The following ECE1 variants were observed in gnomAD, a reference collection of about 807,000 sequenced individuals.
ECE1 encodes endothelin converting enzyme 1, also known as endothelin-converting enzyme 1.
ECE1 carries 35 observed loss-of-function variants against 98.6 expected under a neutral mutation model. The observed-to-expected ratio is 0.35, with a 90% CI of 0.27 to 0.47. ECE1 has a LOEUF of 0.47. Ranked by LOEUF, ECE1 falls within the 20% of genes least tolerant of loss-of-function variation. The pLI is 1.00. For missense variants in ECE1, 814 were observed against 1,025.3 expected, an observed-to-expected ratio of 0.79 and a Z score of 2.81; for synonymous variants, 394 against 407.1, an observed-to-expected ratio of 0.97 and a Z score of 0.39.
chr1:21,302,404 T>G (rs1159500574), intron 1 of ECE1, among the ~76,000 whole-genome samples: 1 of 152,214 alleles, frequency 6.6e-6, no homozygotes, highest in African/African-American at 2.4e-5. Flanking sequence ...CTCGACTTTC[T>G]CATTGGTGAA....
rs1022914697 is a variant in ECE1, at chr1:21,238,061, T to C, written c.1389+73A>G. On this transcript the variant is annotated intron_variant, in intron 11 of 18. Transcript: ENST00000374893. ...AGGAAAGGCCCAGGGTGGGCTGGAGTGTGAACTGGCAGGTCTGTGCAGGCC... is the reference window on the plus strand; with the variant it reads ...AGGAAAGGCCCAGGGTGGGCTGGAGCGTGAACTGGCAGGTCTGTGCAGGCC... 4 of 1,398,172 alleles carry C rather than the reference T, an allele frequency of 2.9e-6. No individual in the cohort carries two copies. In the Admixed American group the frequency reaches 6.8e-5, roughly 24 times the overall value. The allele number at this position is 1,398,172 out of a possible 1,614,324, so 86.6% of individuals were successfully genotyped here. A position where few individuals can be genotyped will look rare whatever the true frequency, so the allele number is the denominator to read the frequency against.
intron 4 of ECE1, among the ~76,000 whole-genome samples, chr1:21,270,390 G>A (rs930929423): frequency 6.6e-6 from 1 of 152,250 alleles, no homozygotes; most frequent in Non-Finnish European, 1.5e-5. Context: ...GTTCTTGCAG[G>A]CACTGCGGAA....
chr1:21,254,068 CAAAAAAAAAAA>C (rs57691016), intron 8 of ECE1, among the ~76,000 whole-genome samples: 13 of 99,096 alleles, frequency 1.3e-4, no homozygotes, highest in African/African-American at 4.9e-4. Context: ...GACTTTGTCT[CAAAAAAAAAAA>C]AAAAAAAAAA....
rs1403052118 is a variant in ECE1 at position 21,258,668 on chromosome 1, C to T, written c.762+25G>A. 3 of 1,613,064 alleles carry T rather than the reference C, an allele frequency of 1.9e-6. No homozygotes were observed. Among genetic ancestry groups the T allele is most frequent in the Non-Finnish European group, 2.5e-6 (3 of 1,179,378 alleles). On this transcript the variant is annotated intron_variant, in intron 6 of 18. Coordinates refer to ENST00000374893, the MANE Select transcript of ECE1 (RefSeq NM_001397.3). This position sits in a 1 kb window ranked among gnomAD's most constrained non-coding sequence, Gnocchi z 4.2. ...GAAGAGGTCGTGCCCGCCCCCTCGA[C>T]CGCTGCAGGTTCAAGCTAGCTCACC...
intron 4 of ECE1, among the ~76,000 whole-genome samples, chr1:21,263,112 C>T (rs1022828564): frequency 1.3e-5 from 2 of 152,150 alleles, no homozygotes; most frequent in Non-Finnish European, 2.9e-5. Flanking sequence ...GTTTGAGCTT[C>T]GGGCTGAAGG....
At position 21,247,247 on chromosome 1, in the gene ECE1, G is replaced by A; in HGVS notation, c.1137C>T (p.Ser379=). ...ATCTGTCGGTGGTGTTGATGAGAGTGGAGATCTGCTCAAGGTATTCCTTGT... is the reference window on the plus strand; with the variant it reads ...ATCTGTCGGTGGTGTTGATGAGAGTAGAGATCTGCTCAAGGTATTCCTTGT... ...VYDKEYLEQI[S]TLINTTDRCL... is the part of the protein sequence containing the mutation. Residue 379 remains serine (S), a synonymous_variant, in exon 9 of 19, where the codon TCC becomes TCT. Coordinates refer to ENST00000374893, the MANE Select transcript of ECE1 (RefSeq NM_001397.3). 6.2e-7 allele frequency: 1 copy of A among 1,614,172 alleles called. No individual in the cohort carries two copies. Among genetic ancestry groups the A allele is most frequent in the Non-Finnish European group, 8.5e-7 (1 of 1,179,996 alleles).
At chr1:21,228,453 G>A (rs528941399) in intron 14 of ECE1, among the ~76,000 whole-genome samples, 5 of 152,192 alleles carry the variant, frequency 3.3e-5, no homozygotes, top group Admixed American at 6.5e-5. Context: ...ATCACACGGT[G>A]GAATACTGAG....
chr1:21,219,779 G>T lies in ECE1; in HGVS notation c.*176C>A. Reference sequence around the variant, plus strand: ...ATGTCCGGCTCTTCACAGGGGATCAGACTGCGGGTCACGTTGAGAGCCAAC... The same window carrying T: ...ATGTCCGGCTCTTCACAGGGGATCATACTGCGGGTCACGTTGAGAGCCAAC... On this transcript the variant is annotated 3_prime_UTR_variant, in exon 19 of 19. Transcript: ENST00000374893. This position sits in a 1 kb window ranked among gnomAD's most constrained non-coding sequence, Gnocchi z 4.5. 1 of 763,560 alleles carries T rather than the reference G, an allele frequency of 1.3e-6. No individual in the cohort carries two copies. The highest frequency in any genetic ancestry group is 2.2e-6 in the Non-Finnish European group (1 of 460,868). The allele number at this position is 763,560 out of a possible 1,614,324, so 47.3% of individuals were successfully genotyped here. A position where few individuals can be genotyped will look rare whatever the true frequency, so the allele number is the denominator to read the frequency against.
At chr1:21,296,764 T>A (rs531357123) in intron 1 of ECE1, among the ~76,000 whole-genome samples, 1 of 152,316 alleles carries the variant, frequency 6.6e-6, no homozygotes, top group African/African-American at 2.4e-5. Context: ...CTCCTTTTTT[T>A]GTGCCTCCTA....
At position 21,255,981 on chromosome 1, in the gene ECE1, A is replaced by T; in HGVS notation, c.986T>A (p.Leu329His). Residue 329 changes from leucine to histidine, a missense_variant, in exon 8 of 19, where the codon CTC (leucine) becomes CAC (histidine). Transcript: ENST00000374893. The stretch of plus-strand genomic sequence containing the variant: ...GGCTGCCGTCACTTTGTGGTAGATG[A>T]GCTCCTCATCACGGCGCTTCTCCTG... ...IPQEKRRDEELIYHKVTAAEL... is the reference protein window; with the variant it reads ...IPQEKRRDEEHIYHKVTAAEL... 2 of 1,614,114 alleles carry T rather than the reference A, an allele frequency of 1.2e-6. No homozygotes were observed. Among genetic ancestry groups the T allele is most frequent in the Non-Finnish European group, 1.7e-6 (2 of 1,179,982 alleles).
At chr1:21,331,623 A>T (rs1639202512) in intron 1 of ECE1, among the ~76,000 whole-genome samples, 1 of 151,966 alleles carries the variant, frequency 6.6e-6, no homozygotes. Context: ...TAGACTCTGT[A>T]GCCAAAACTG....
At chr1:21,302,308 G>A (rs1460552870) in intron 1 of ECE1, among the ~76,000 whole-genome samples, 1 of 152,148 alleles carries the variant, frequency 6.6e-6, no homozygotes, top group Non-Finnish European at 1.5e-5. Flanking sequence ...CACCAGGGTG[G>A]TGCTAAGCGC....
At chr1:21,279,605 G>GA in intron 2 of ECE1, 2 of 1,431,836 alleles carry the variant, frequency 1.4e-6, no homozygotes, top group Non-Finnish European at 1.8e-6. Flanking sequence ...TGAGTGGAAG[G>GA]AAAAAACTAC....
At chr1:21,315,663 G>A (rs981683627) in intron 1 of ECE1, among the ~76,000 whole-genome samples, 9 of 151,810 alleles carry the variant, frequency 5.9e-5, no homozygotes, top group African/African-American at 1.7e-4. Context: ...GTGTGGTAGC[G>A]CATGCCTGTA....
At chr1:21,291,969 A>AAT (rs142312217), upstream of ECE1, among the ~76,000 whole-genome samples, 28,707 of 147,002 alleles carry the variant, frequency 0.2, 4,791 homozygotes, top group African/African-American at 0.45. Flanking sequence ...ACAAAAAGAA[A>AAT]ATATATATAT....
In ECE1 at chr1:21,290,303, C is replaced by CCG; in HGVS notation, c.51+59_51+60dup. 1 of 1,241,430 alleles carries CCG rather than the reference C, an allele frequency of 8.1e-7. No homozygotes were observed. Among genetic ancestry groups the CCG allele is most frequent in the Non-Finnish European group, 1.0e-6 (1 of 995,460 alleles). 76.9% of individuals were successfully genotyped at this position (1,241,430 alleles called of 1,614,324 possible). A position where few individuals can be genotyped will look rare whatever the true frequency, so the allele number is the denominator to read the frequency against. On this transcript the variant is annotated intron_variant, in intron 1 of 18. Coordinates refer to ENST00000374893, the MANE Select transcript of ECE1 (RefSeq NM_001397.3). The surrounding 1 kb of genome is among the most constrained non-coding windows in gnomAD (Gnocchi z 7.3). ...GACCGAGACCGGCCCACGGAGCGGC[C>CCG]CGCGCGGGGAGGGGTCCCGCCCGCC... is the stretch of plus-strand genomic sequence containing the variant.
intron 1 of ECE1, among the ~76,000 whole-genome samples, chr1:21,336,908 G>A (rs1450949136): frequency 2.0e-5 from 3 of 152,074 alleles, no homozygotes; most frequent in Non-Finnish European, 4.4e-5. Flanking sequence ...GCAAACGCCT[G>A]TAATCCCAGC....
In ECE1 at chr1:21,219,995, C is replaced by T. The variant is rs780575401; in HGVS notation, c.2273G>A (p.Gly758Asp). The T allele has an allele frequency of 4.3e-6, 7 of 1,614,050 alleles. No individual in the cohort carries two copies. The highest frequency in any genetic ancestry group is 4.5e-5 in the East Asian group (2 of 44,900). Residue 758 changes from glycine (G) to aspartate (D), a missense_variant, in exon 19 of 19, where the codon GGC (glycine) becomes GAC (aspartate). Gly to Asp is a moderately conservative substitution (Grantham distance 94). Transcript: ENST00000374893. This position sits in a 1 kb window ranked among gnomAD's most constrained non-coding sequence, Gnocchi z 4.5. The part of the protein sequence containing the change: ...EFSEHFRCPP[G>D]SPMNPPHKCE... ...CTTGTGAGGCGGGTTCATGGGTGAG[C>T]CAGGTGGGCAGCGGAAGTGTTCTGA...
chr1:21,240,545 A>G (rs1261149947), intron 10 of ECE1, among the ~76,000 whole-genome samples: 1 of 152,212 alleles, frequency 6.6e-6, no homozygotes, highest in Non-Finnish European at 1.5e-5. Flanking sequence ...CTGCATTTTT[A>G]TTGTATGTAA....
Sources: gnomAD v4.1 joint callset for allele counts (sites outside exome capture counted in the v4.1 genomes callset) on GRCh38, gnomAD v4.1.1 for gene constraint, Gnocchi (gnomAD v3.1) non-coding constraint, MANE v1.5 for transcripts, NCBI Gene and HGNC (gene_info 2026-07-23, HGNC 2026-07-21) for gene names.